Variants in DPH6 observed in about 807,000 individuals in gnomAD.
DPH6 encodes diphthamine biosynthesis 6.
DPH6 carries 33 observed loss-of-function variants against 38.2 expected under a neutral mutation model. The ratio of observed to expected loss-of-function variants is 0.86; its 90% CI spans 0.65 to 1.15. DPH6 has a LOEUF of 1.15. Ranked by LOEUF, DPH6 falls within the 50% of genes most tolerant of loss-of-function variation. DPH6 has a pLI of 0.00. For synonymous variants in DPH6, 108 were observed against 103.0 expected (o/e 1.05, Z -0.30); for missense variants, 325 against 320.0 (o/e 1.02, Z -0.12).
At chr15:35,217,874 G>A (rs950107979) in exon 4 of DPH6, 2 of 152,214 alleles carry the variant, frequency 1.3e-5, no homozygotes, top group African/African-American at 4.8e-5. Context: ...ATCTGAGAAT[G>A]CTCATGTCCC....
intron 7 of DPH6, among the ~76,000 whole-genome samples, chr15:35,380,695 T>C (rs1355287416): frequency 1.3e-5 from 2 of 152,212 alleles, no homozygotes; most frequent in East Asian, 1.9e-4. Context: ...AGTTGACTCA[T>C]TAATTGTTTT....
chr15:35,335,236 T>C (rs1018633654), intron 3 of DPH6, among the ~76,000 whole-genome samples: 4 of 152,114 alleles, frequency 2.6e-5, no homozygotes, highest in African/African-American at 9.7e-5. Flanking sequence ...CTTTGCCCAC[T>C]TTTTAATGGG....
chr15:35,235,601 T>C (rs1431360787), intron 3 of DPH6, among the ~76,000 whole-genome samples: 1 of 152,260 alleles, frequency 6.6e-6, no homozygotes, highest in Admixed American at 6.5e-5. Flanking sequence ...CTGATTGCAC[T>C]GCAGTTTCAG....
At chr15:35,522,372 C>A in intron 3 of DPH6, 1 of 1,266,704 alleles carries the variant, frequency 7.9e-7, no homozygotes, top group South Asian at 1.5e-5. Context: ...CACCACCAGT[C>A]AGGCTGTCTC....
Position 35,373,542 on chromosome 15 carries a change from T to TA in DPH6, c.728dup (p.Leu243PhefsTer14), listed in dbSNP as rs775479272. The TA allele has an allele frequency of 3.1e-6, 5 of 1,607,490 alleles. No homozygotes were observed. The highest frequency in any genetic ancestry group is 1.3e-5 in the African/African-American group (1 of 74,534). ...TTGCCTTGTCCTCCAAGTGCAATTC[T>TA]AAAAAGCGTAGATAAGCCACAGGTG... On this transcript the variant is annotated frameshift_variant, in exon 8 of 9. Coordinates refer to ENST00000256538, the MANE Select transcript of DPH6 (RefSeq NM_080650.4). LOFTEE classifies it high-confidence loss of function.
At chr15:35,384,109 C>T (rs13379770) in intron 6 of DPH6, among the ~76,000 whole-genome samples, 50,245 of 152,042 alleles carry the variant, frequency 0.33, 9,263 homozygotes, top group African/African-American at 0.5. Context: ...ATTCCTAACC[C>T]ATCTCAGGTC....
intron 5 of DPH6, among the ~76,000 whole-genome samples, chr15:35,427,607 C>A (rs2064667616): frequency 6.6e-6 from 1 of 151,714 alleles, no homozygotes; most frequent in Admixed American, 6.6e-5. Context: ...GGTCAAATTG[C>A]CCACTGAGTC....
rs186331119 is a variant in DPH6 at position 35,247,878 on chromosome 15, C to G, written n.201-27296G>C. On this transcript the variant is annotated intron_variant and non_coding_transcript_variant, in intron 3 of 3. Transcript: ENST00000560386. The stretch of plus-strand genomic sequence containing the variant: ...AGCAACTAGGTTTTGTTGCTAAATA[C>G]ACCATTTTGCTTCTGCTGTCATATA... 5.3e-5 allele frequency among the ~76,000 whole-genome samples: 8 copies of G among 152,214 alleles called. No homozygotes were observed. The East Asian group carries it at 1.5e-3, about 29-fold the overall frequency.
rs1267935684 is a variant in DPH6 at position 35,353,943 on chromosome 15, T to C, written n.207+19578A>G. Among the ~76,000 whole-genome samples, 8 of 152,190 alleles carry C rather than the reference T, an allele frequency of 5.3e-5. 1 individual carries two copies. Among genetic ancestry groups the C allele is most frequent in the Admixed American group, 5.2e-4 (8 of 15,284 alleles). On this transcript the variant is annotated intron_variant and non_coding_transcript_variant, in intron 3 of 3. Transcript: ENST00000558973. Reference sequence around the variant, plus strand: ...AATGTTCTTCCATTTATTTGTGTCCTCTTTTATTTTGTTGAGGAGTGGTTT... The same window carrying C: ...AATGTTCTTCCATTTATTTGTGTCCCCTTTTATTTTGTTGAGGAGTGGTTT...
At chr15:35,419,262 G>A (rs897612470) in intron 5 of DPH6, among the ~76,000 whole-genome samples, 15 of 151,948 alleles carry the variant, frequency 9.9e-5, no homozygotes, top group African/African-American at 3.1e-4. Context: ...TAAAATGACA[G>A]AATTTTTATT....
At chr15:35,286,938 T>G (rs972912116) in intron 3 of DPH6, among the ~76,000 whole-genome samples, 1 of 152,186 alleles carries the variant, frequency 6.6e-6, no homozygotes, top group African/African-American at 2.4e-5. Context: ...ACTTTTCCTC[T>G]GAGGAAAGGA....
intron 3 of DPH6, among the ~76,000 whole-genome samples, chr15:35,340,849 T>C (rs768096144): frequency 1.4e-4 from 21 of 152,140 alleles, no homozygotes; most frequent in Non-Finnish European, 2.5e-4. Flanking sequence ...CTGATGATTA[T>C]GTGTCTGGGG....
intron 5 of DPH6, among the ~76,000 whole-genome samples, chr15:35,447,586 T>A (rs976131136): frequency 2.6e-5 from 4 of 152,144 alleles, no homozygotes; most frequent in Non-Finnish European, 5.9e-5. Context: ...TATTACAGGA[T>A]TTGACAGATA....
intron 3 of DPH6, among the ~76,000 whole-genome samples, chr15:35,276,607 T>C (rs568434657): frequency 2.0e-5 from 3 of 152,350 alleles, no homozygotes; most frequent in African/African-American, 7.2e-5. Flanking sequence ...TGTTGATTTT[T>C]GTATAAGGTG....
At chr15:35,448,831 T>A (rs923516746) in intron 5 of DPH6, among the ~76,000 whole-genome samples, 1 of 152,080 alleles carries the variant, frequency 6.6e-6, no homozygotes, top group Admixed American at 6.5e-5. Context: ...TTGATGCCTA[T>A]AAGACATAAA....
chr15:35,206,037 T>C, the DPH6 span, among the ~76,000 whole-genome samples: 1 of 152,146 alleles, frequency 6.6e-6, no homozygotes, highest in Non-Finnish European at 1.5e-5. Context: ...TTTGGTAGTA[T>C]TTAAGAAATA....
At chr15:35,425,389 T>C (rs2053556073) in intron 5 of DPH6, among the ~76,000 whole-genome samples, 1 of 151,634 alleles carries the variant, frequency 6.6e-6, no homozygotes, top group African/African-American at 2.4e-5. Flanking sequence ...ATAGTGTAAG[T>C]TGCCTGACAG....
At chr15:35,291,380 T>C (rs2051979235) in intron 3 of DPH6, among the ~76,000 whole-genome samples, 1 of 152,154 alleles carries the variant, frequency 6.6e-6, no homozygotes. Context: ...AAATCTATTA[T>C]AATAAATTAC....
At chr15:35,351,836 C>T (rs1216344309) in intron 3 of DPH6, among the ~76,000 whole-genome samples, 1 of 151,644 alleles carries the variant, frequency 6.6e-6, no homozygotes, top group Non-Finnish European at 1.5e-5. Context: ...ATCCTCTCTA[C>T]TTAGCTTCCT....
Sources: allele counts gnomAD v4.1 joint callset (sites outside exome capture counted in the v4.1 genomes callset), GRCh38; gene constraint gnomAD v4.1.1; transcripts MANE v1.5; gene names NCBI Gene and HGNC (gene_info 2026-07-23, HGNC 2026-07-21).